ALG12: variants seen among roughly 807,000 people sequenced by gnomAD.
ALG12 encodes the protein dol-P-Man:Man(7)GlcNAc(2)-PP-Dol alpha-1,6-mannosyltransferase.
ALG12 carries 36 observed loss-of-function variants against 46.0 expected under a neutral mutation model. The observed-to-expected ratio is 0.78, with a 90% CI of 0.60 to 1.03. ALG12 has a LOEUF of 1.03. Among genes scored for constraint, ALG12 ranks in the 50% least tolerant of loss-of-function variants. The pLI, the probability that ALG12 is intolerant of heterozygous loss-of-function variation, is 0.00. For synonymous variants in ALG12, 326 were observed against 291.6 expected (o/e 1.12, Z -1.20); for missense variants, 599 against 633.5 (o/e 0.95, Z 0.58).
the ALG12 span, chr22:49,883,681 A>T: frequency 6.3e-7 from 1 of 1,586,500 alleles, no homozygotes; most frequent in South Asian, 1.1e-5. Context: ...TAACTTGAAA[A>T]CTTGTCCCAA....
downstream of ALG12, among the ~76,000 whole-genome samples, chr22:49,897,577 A>G (rs2060487998): frequency 6.6e-6 from 1 of 151,790 alleles, no homozygotes; most frequent in South Asian, 2.1e-4. Context: ...ATGACCATAT[A>G]ATGAGGAGCA....
chr22:49,877,793 CTG>C, the ALG12 span, among the ~76,000 whole-genome samples: 1 of 152,240 alleles, frequency 6.6e-6, no homozygotes. Context: ...TCCCTCCTGA[CTG>C]TGTCTTCTGC....
chr22:49,872,963 T>C, the ALG12 span, among the ~76,000 whole-genome samples: 1 of 152,206 alleles, frequency 6.6e-6, no homozygotes, highest in Non-Finnish European at 1.5e-5. Context: ...CCCAAAGTGC[T>C]AGGATTACAG....
rs1211635999 is a variant in ALG12, at chr22:49,903,587, G to A, written c.*251C>T. 1.5e-6 allele frequency: 1 copy of A among 670,146 alleles called. No individual in the cohort carries two copies. Among genetic ancestry groups the A allele is most frequent in the African/African-American group, 1.8e-5 (1 of 56,596 alleles). The allele number at this position is 670,146 out of a possible 1,614,324, so 41.5% of individuals were successfully genotyped here. A position where few individuals can be genotyped will look rare whatever the true frequency, so the allele number is the denominator to read the frequency against. On this transcript the variant is annotated 3_prime_UTR_variant, in exon 10 of 10. Coordinates refer to ENST00000330817, the MANE Select transcript of ALG12 (RefSeq NM_024105.4). ...AGTCACCCGCAGGAAGCCCTGAGCTGGCCACCATCACCCTGGGCAGTGGCT... is the reference window on the plus strand; with the variant it reads ...AGTCACCCGCAGGAAGCCCTGAGCTAGCCACCATCACCCTGGGCAGTGGCT...
the ALG12 span, among the ~76,000 whole-genome samples, chr22:49,878,279 G>C: frequency 1.5e-5 from 2 of 133,454 alleles, no homozygotes; most frequent in Non-Finnish European, 3.1e-5. Context: ...TCCAACCTGG[G>C]TGACAGAGTG....
chr22:49,895,933 GGTT>G (rs1470409599), downstream of ALG12, among the ~76,000 whole-genome samples: 2 of 152,186 alleles, frequency 1.3e-5, no homozygotes, highest in Admixed American at 1.3e-4. Context: ...TGGCAGTCTT[GGTT>G]GAGTTCTGGG....
At position 49,910,008 on chromosome 22, in the gene ALG12, T is replaced by G; in HGVS notation, c.550A>C (p.Arg184=). 6.2e-7 allele frequency: 1 copy of G among 1,613,776 alleles called. No individual in the cohort carries two copies. Among genetic ancestry groups the G allele is most frequent in the Non-Finnish European group, 8.5e-7 (1 of 1,179,954 alleles). Residue 184 remains arginine, a synonymous_variant, in exon 5 of 10, where the codon AGG becomes CGG. Coordinates refer to ENST00000330817, the MANE Select transcript of ALG12 (RefSeq NM_024105.4). Reference sequence around the variant, plus strand: ...CCCAGGAACAGGCACAGCTCCACCCTGAACACGATGATGGCGAAGGCTGAC... The same window carrying G: ...CCCAGGAACAGGCACAGCTCCACCCGGAACACGATGATGGCGAAGGCTGAC... ...WLSAFAIIVF[R]VELCLFLGLL... is the part of the protein sequence containing the mutation.
chr22:49,918,011 C>CGTG (rs1601831962), intron 1 of ALG12, among the ~76,000 whole-genome samples: 5 of 94,906 alleles, frequency 5.3e-5, no homozygotes, highest in South Asian at 4.3e-4. Context: ...GTCGGGCCCC[C>CGTG]GGATGAGAGG....
rs2060499686 is a variant in ALG12, at chr22:49,900,539, T to G, written c.*3299A>C. 1 of 152,228 alleles carries G rather than the reference T, an allele frequency of 6.6e-6. No homozygotes were observed. Among genetic ancestry groups the G allele is most frequent in the South Asian group, 2.1e-4 (1 of 4,824 alleles). The allele number at this position is 152,228 out of a possible 1,614,324, so 9.4% of individuals were successfully genotyped here. On this transcript the variant is annotated 3_prime_UTR_variant, in exon 10 of 10. Transcript: ENST00000330817. ...CCAAGGAACTCATGAGCACAGTGCT[T>G]GACGGCACCCGCAGTTGTGGGCAGG...
intron 7 of ALG12, among the ~76,000 whole-genome samples, chr22:49,907,127 C>T (rs1487598249): frequency 6.6e-6 from 1 of 152,172 alleles, no homozygotes; most frequent in Non-Finnish European, 1.5e-5. Context: ...CCCCCTCTTC[C>T]AGCCAGATGA....
At chr22:49,862,036 G>A in the ALG12 span, among the ~76,000 whole-genome samples, 53 of 152,298 alleles carry the variant, frequency 3.5e-4, 2 homozygotes, top group South Asian at 0.011. Flanking sequence ...TTGCCAGGAT[G>A]GTAGGGTGAG....
At chr22:49,881,611 C>G in the ALG12 span, among the ~76,000 whole-genome samples, 1 of 152,338 alleles carries the variant, frequency 6.6e-6, no homozygotes, top group African/African-American at 2.4e-5. Context: ...CTCCTGCCCT[C>G]AAGTGATCGT....
chr22:49,871,301 A>G, the ALG12 span, among the ~76,000 whole-genome samples: 1 of 150,538 alleles, frequency 6.6e-6, no homozygotes, highest in East Asian at 2.1e-4. Context: ...AGCCTGGCCA[A>G]TGTGGTGAAA....
rs914700965 is a variant in ALG12, at chr22:49,916,030, C to A, written c.-78-2187G>T. ...ATCCCAGCACTTTGGGAGGCTGAGGCGGGTGGATCACAAGGTCAAGAGATC... is the reference window on the plus strand; with the variant it reads ...ATCCCAGCACTTTGGGAGGCTGAGGAGGGTGGATCACAAGGTCAAGAGATC... On this transcript the variant is annotated intron_variant, in intron 1 of 9. Coordinates refer to ENST00000330817, the MANE Select transcript of ALG12 (RefSeq NM_024105.4). 2.0e-5 allele frequency among the ~76,000 whole-genome samples: 3 copies of A among 149,720 alleles called. No homozygotes were observed. The South Asian group carries it at 6.4e-4, about 32-fold the overall frequency.
the ALG12 span, among the ~76,000 whole-genome samples, chr22:49,879,500 C>A: frequency 4.0e-5 from 6 of 151,802 alleles, no homozygotes; most frequent in East Asian, 6.0e-4. Context: ...TCCGCTCTTA[C>A]AATAGCTGTT....
the ALG12 span, chr22:49,886,491 G>A: frequency 2.1e-5 from 33 of 1,564,598 alleles, no homozygotes; most frequent in South Asian, 1.1e-4. This position sits in a 1 kb window ranked among gnomAD's most constrained non-coding sequence, Gnocchi z 7.7. Context: ...TCGAGGCTGC[G>A]AGCCGGGAGA....
the ALG12 span, among the ~76,000 whole-genome samples, chr22:49,881,205 C>T: frequency 1.3e-5 from 2 of 152,278 alleles, no homozygotes; most frequent in East Asian, 1.9e-4. Context: ...AGGAATTAGC[C>T]GGGTGTCATG....
the ALG12 span, among the ~76,000 whole-genome samples, chr22:49,861,083 C>T: frequency 9.2e-5 from 14 of 152,110 alleles, no homozygotes; most frequent in Non-Finnish European, 1.5e-4. Flanking sequence ...GCCTAGGCAA[C>T]GCTTTTTACT....
chr22:49,917,143 C>T (rs2060615501), intron 1 of ALG12, among the ~76,000 whole-genome samples: 2 of 152,226 alleles, frequency 1.3e-5, no homozygotes, highest in African/African-American at 4.8e-5. Flanking sequence ...GAACCCCCCA[C>T]CAGGCGAGGG....
Sources: allele counts gnomAD v4.1 joint callset (sites outside exome capture counted in the v4.1 genomes callset), GRCh38; gene constraint gnomAD v4.1.1; non-coding constraint Gnocchi (gnomAD v3.1); transcripts MANE v1.5; gene names NCBI Gene and HGNC (gene_info 2026-07-23, HGNC 2026-07-21).